Variants in RUNX1 observed in about 807,000 individuals in gnomAD.
RUNX1 encodes runt-related transcription factor 1.
A neutral mutation model predicts 42.8 loss-of-function variants in RUNX1; 19 were observed. The ratio of observed to expected loss-of-function variants is 0.44; its 90% CI spans 0.31 to 0.65. The LOEUF (loss-of-function observed/expected upper bound fraction) is 0.65. Among genes scored for constraint, RUNX1 ranks in the 30% least tolerant of loss-of-function variants. The pLI is 0.07. For synonymous variants in RUNX1, 271 were observed against 289.4 expected (o/e 0.94, Z 0.64); for missense variants, 528 against 672.0 (o/e 0.79, Z 2.37).
intron 6 of RUNX1, among the ~76,000 whole-genome samples, chr21:34,855,512 C>T (rs958858553): frequency 2.6e-5 from 4 of 152,168 alleles, no homozygotes; most frequent in Non-Finnish European, 4.4e-5. Context: ...CGAGACCAGG[C>T]TGGCCAACAT....
chr21:34,882,690 GTTTT>G (rs60688911), intron 4 of RUNX1, among the ~76,000 whole-genome samples: 56 of 139,820 alleles, frequency 4.0e-4, no homozygotes, highest in African/African-American at 1.3e-3. Context: ...TATTGCTACT[GTTTT>G]TTTTTTTTTT....
At chr21:34,871,795 G>A (rs957829510) in intron 5 of RUNX1, among the ~76,000 whole-genome samples, 1 of 151,536 alleles carries the variant, frequency 6.6e-6, no homozygotes, top group Admixed American at 6.6e-5. Context: ...AGCCATTTTG[G>A]TGTCTGGGAG....
chr21:34,949,096 CT>C (rs1359072243), intron 2 of RUNX1, among the ~76,000 whole-genome samples: 1 of 152,158 alleles, frequency 6.6e-6, no homozygotes, highest in African/African-American at 2.4e-5. Flanking sequence ...CATTTATTTC[CT>C]TCCCTACCCC....
chr21:35,034,114 A>G (rs571085458), intron 2 of RUNX1, among the ~76,000 whole-genome samples: 35 of 152,322 alleles, frequency 2.3e-4, no homozygotes, highest in African/African-American at 8.4e-4. Flanking sequence ...AAACCAGACT[A>G]GGATTGAGTG....
At chr21:34,956,091 G>GT (rs2058641994) in intron 2 of RUNX1, among the ~76,000 whole-genome samples, 6 of 152,170 alleles carry the variant, frequency 3.9e-5, no homozygotes, top group Admixed American at 3.9e-4. Context: ...CAAAAGATGT[G>GT]TTTTTGTTTT....
chr21:34,957,189 G>A (rs1482055643), intron 2 of RUNX1, among the ~76,000 whole-genome samples: 1 of 152,168 alleles, frequency 6.6e-6, no homozygotes, highest in African/African-American at 2.4e-5. Flanking sequence ...GACATCGTGG[G>A]TGTGTTAGGT....
intron 2 of RUNX1, 60 bp from the exon 3 acceptor site, chr21:34,893,023 C>T (rs1379515937): frequency 1.4e-5 from 17 of 1,183,520 alleles, no homozygotes; most frequent in Admixed American, 5.9e-5. Context: ...AACTTTCCCC[C>T]GACTTTTTTT....
At chr21:34,988,882 G>A (rs1240134251) in intron 2 of RUNX1, among the ~76,000 whole-genome samples, 4 of 152,146 alleles carry the variant, frequency 2.6e-5, no homozygotes, top group Admixed American at 2.0e-4. Context: ...TAGGGGTGTG[G>A]CTTTCCAGGC....
chr21:34,888,714 G>A (rs989634427), intron 3 of RUNX1: 7 of 1,030,234 alleles, frequency 6.8e-6, no homozygotes, highest in Non-Finnish European at 8.2e-6. Flanking sequence ...GGAAATGAAC[G>A]TGCTTTTACT....
At chr21:34,923,802 G>T (rs2058372420) in intron 2 of RUNX1, among the ~76,000 whole-genome samples, 2 of 120,036 alleles carry the variant, frequency 1.7e-5, no homozygotes, top group Non-Finnish European at 3.4e-5. Flanking sequence ...CCCACTGCTG[G>T]TCTCTGGAGT....
intron 2 of RUNX1, among the ~76,000 whole-genome samples, chr21:35,010,924 C>T (rs1017720690): frequency 6.6e-5 from 10 of 152,214 alleles, no homozygotes; most frequent in South Asian, 6.2e-4. Flanking sequence ...AACAACTGTT[C>T]GAGAATGATG....
chr21:34,844,722 A>G (rs1477785210), intron 6 of RUNX1, among the ~76,000 whole-genome samples: 1 of 152,166 alleles, frequency 6.6e-6, no homozygotes, highest in Non-Finnish European at 1.5e-5. Context: ...ATTCCCTCCT[A>G]TTTCTAAAAG....
At chr21:34,975,895 T>A (rs934563524) in intron 2 of RUNX1, among the ~76,000 whole-genome samples, 1 of 151,538 alleles carries the variant, frequency 6.6e-6, no homozygotes, top group Non-Finnish European at 1.5e-5. Context: ...TAAAGGAGAG[T>A]TAAGGAAAGT....
intron 2 of RUNX1, among the ~76,000 whole-genome samples, chr21:34,980,201 C>G (rs1053558705): frequency 1.3e-5 from 2 of 152,246 alleles, no homozygotes; most frequent in Admixed American, 6.5e-5. Flanking sequence ...TTCATATAAA[C>G]AGTGGACGAA....
Position 34,791,183 on chromosome 21 carries a change from ACTT to A in RUNX1, c.*949_*951del, listed in dbSNP as rs2145866877. 2 of 233,594 alleles carry A rather than the reference ACTT, an allele frequency of 8.6e-6. No individual in the cohort carries two copies. The highest frequency in any genetic ancestry group is 5.6e-5 in the Admixed American group (1 of 17,810). 14.5% of individuals were successfully genotyped at this position (233,594 alleles called of 1,614,324 possible). A position where few individuals can be genotyped will look rare whatever the true frequency, so the allele number is the denominator to read the frequency against. On this transcript the variant is annotated 3_prime_UTR_variant, in exon 9 of 9. Transcript: ENST00000675419. ...TGAAAGGGAGTTTAATGTAAACAAT[ACTT>A]CTGGATAACCAAGCGATCACATTAC...
At chr21:34,816,141 A>C (rs373219516) in intron 7 of RUNX1, among the ~76,000 whole-genome samples, 1 of 152,254 alleles carries the variant, frequency 6.6e-6, no homozygotes, top group East Asian at 1.9e-4. Context: ...CTATGTAAGG[A>C]AAGAAATTGT....
chr21:34,964,139 A>C (rs957054299), intron 2 of RUNX1, among the ~76,000 whole-genome samples: 3 of 152,102 alleles, frequency 2.0e-5, no homozygotes, highest in African/African-American at 7.2e-5. Flanking sequence ...AACAAACTCA[A>C]CCAAGTGACC....
In RUNX1 at chr21:34,877,292, C is replaced by T. The variant is rs542394204; in HGVS notation, c.508+3265G>A. ...ACTGATATAAGCTGCTCAGTGAATT[C>T]GTTTCACATAAGAGAATTCCTTTTG... is the stretch of plus-strand genomic sequence containing the variant. On this transcript the variant is annotated intron_variant, in intron 5 of 8. Transcript: ENST00000675419. 1.9e-4 allele frequency among the ~76,000 whole-genome samples: 29 copies of T among 152,296 alleles called. No homozygotes were observed. The South Asian group carries it at 4.3e-3, about 23-fold the overall frequency.
At chr21:34,956,929 C>T (rs2058648540) in intron 2 of RUNX1, among the ~76,000 whole-genome samples, 1 of 152,188 alleles carries the variant, frequency 6.6e-6, no homozygotes, top group South Asian at 2.1e-4. Context: ...AGGCTTGCTG[C>T]AAAGAATGAG....
Sources: gnomAD v4.1 joint callset for allele counts (sites outside exome capture counted in the v4.1 genomes callset) on GRCh38, gnomAD v4.1.1 for gene constraint, MANE v1.5 for transcripts, NCBI Gene and HGNC (gene_info 2026-07-23, HGNC 2026-07-21) for gene names.